Variants in ACLY observed in about 807,000 individuals in gnomAD.
ACLY encodes ATP citrate lyase, also known as ATP-citrate synthase.
Under a neutral mutation model 133.0 loss-of-function variants are expected in ACLY, and 41 were observed. The observed-to-expected ratio is 0.31, with a 90% confidence interval of 0.24 to 0.40. ACLY has a LOEUF of 0.40. Ranked by LOEUF, ACLY falls within the 10% of genes least tolerant of loss-of-function variation. ACLY has a pLI of 1.00. For missense variants in ACLY, 1,046 were observed against 1,453.8 expected (o/e 0.72, Z 4.56); for synonymous variants, 495 against 549.3 (o/e 0.90, Z 1.38).
At chr17:41,901,049 G>A (rs2049524232) in intron 11 of ACLY, among the ~76,000 whole-genome samples, 1 of 151,630 alleles carries the variant, frequency 6.6e-6, no homozygotes, top group African/African-American at 2.4e-5. Flanking sequence ...CAACCTCCCA[G>A]GTTCAGGTGA....
chr17:41,910,227 T>C lies in ACLY; in HGVS notation c.340A>G (p.Ser114Gly), dbSNP rs1486476460. 6.2e-7 allele frequency: 1 copy of C among 1,613,606 alleles called. No homozygotes were observed. Among genetic ancestry groups the C allele is most frequent in the Non-Finnish European group, 8.5e-7 (1 of 1,179,812 alleles). ...NFLIEPFVPH[S>G]QAEEFYVCIY... ...TGGAGCCGCCTCACACATACCTGAC[T>C]GTGGGGGACGAAGGGCTCGATCAGA... The change falls in exon 4 of 29, where the codon AGT (serine) becomes GGT (glycine). Residue 114 changes from serine to glycine, a missense_variant. Around this residue, in one of 4 missense-constraint regions of ACLY, gnomAD observed 227 missense variants for 245.6 expected, o/e 0.92. Coordinates refer to ENST00000352035, the MANE Select transcript of ACLY (RefSeq NM_001096.3).
At chr17:41,895,440 C>T (rs1339041597) in intron 14 of ACLY, among the ~76,000 whole-genome samples, 1 of 152,178 alleles carries the variant, frequency 6.6e-6, no homozygotes, top group African/African-American at 2.4e-5. Flanking sequence ...AGGGTGTATC[C>T]TCAGCCCACC....
chr17:41,916,430 G>A (rs1375339594), intron 1 of ACLY, among the ~76,000 whole-genome samples: 2 of 151,564 alleles, frequency 1.3e-5, no homozygotes, highest in Admixed American at 1.3e-4. Context: ...CTGGCGTGCA[G>A]TGGAGTGATC....
At chr17:41,926,393 T>C (rs1449557876) in intron 1 of ACLY, among the ~76,000 whole-genome samples, 1 of 152,252 alleles carries the variant, frequency 6.6e-6, no homozygotes, top group Admixed American at 6.5e-5. Flanking sequence ...AGGAAACCAC[T>C]GACTGGCTCT....
chr17:41,921,492 AAAACAAAAAAGAAAAAAAG>A (rs1440520627), upstream of ACLY, among the ~76,000 whole-genome samples: 2 of 150,216 alleles, frequency 1.3e-5, no homozygotes, highest in Non-Finnish European at 3.0e-5. Context: ...AAAAAAAAAA[AAAACAAAAAAGAAAAAAAG>A]GAAAAGAAAA....
At chr17:41,872,241 C>T in intron 23 of ACLY, 59 bp from the exon 24 acceptor site, 1 of 1,530,858 alleles carries the variant, frequency 6.5e-7, no homozygotes, top group South Asian at 1.1e-5. Context: ...CGTACTTTCC[C>T]CCATCTCCCT....
At chr17:41,894,533 G>A (rs1326677137) in intron 14 of ACLY, among the ~76,000 whole-genome samples, 4 of 151,090 alleles carry the variant, frequency 2.6e-5, no homozygotes, top group Admixed American at 6.6e-5. Context: ...ACCAGCCACC[G>A]CGGCATAGTG....
chr17:41,920,716 G>A (rs782008073), upstream of ACLY, among the ~76,000 whole-genome samples: 7 of 151,882 alleles, frequency 4.6e-5, no homozygotes, highest in Non-Finnish European at 7.4e-5. Context: ...AGTACAGCCT[G>A]GGTAACATGG....
At chr17:41,886,000 T>C in intron 18 of ACLY, 112 bp downstream of exon 18, 1 of 1,028,606 alleles carries the variant, frequency 9.7e-7, no homozygotes, top group Admixed American at 1.9e-5. Context: ...TTCAGCAGCA[T>C]TCCTGCGGGC....
intron 28 of ACLY, 35 bp from the exon 29 acceptor site, chr17:41,867,939 C>T: frequency 6.8e-7 from 1 of 1,467,720 alleles, no homozygotes. Flanking sequence ...TTTATTAGAG[C>T]TTCATAAGCC....
At chr17:41,906,392 G>T in intron 8 of ACLY, 136 bp downstream of exon 8, 1 of 716,998 alleles carries the variant, frequency 1.4e-6, no homozygotes, top group Non-Finnish European at 2.4e-6. Context: ...ATCCCTCGAA[G>T]CCCTCTGGGA....
chr17:41,887,768 C>G, intron 16 of ACLY, 65 bp from the exon 17 acceptor site: 2 of 1,319,358 alleles, frequency 1.5e-6, no homozygotes, highest in African/African-American at 2.9e-5. Flanking sequence ...AAGACAGCAC[C>G]GTTTAAGGGC....
intron 20 of ACLY, among the ~76,000 whole-genome samples, chr17:41,879,413 C>CT (rs1190398954): frequency 0.017 from 2,145 of 128,838 alleles, 29 homozygotes; most frequent in Non-Finnish European, 0.022. Flanking sequence ...CCCCCCCCGC[C>CT]TTTTTTTTTT....
intron 11 of ACLY, among the ~76,000 whole-genome samples, chr17:41,900,449 G>A (rs572374729): frequency 7.3e-4 from 111 of 151,990 alleles, no homozygotes; most frequent in African/African-American, 2.4e-3. Flanking sequence ...GCTGGTTGTA[G>A]TGGCTCACGT....
rs2050130239 is a variant in ACLY at position 41,918,950 on chromosome 17, G to T, written c.-94C>A. On this transcript the variant is annotated 5_prime_UTR_variant, in exon 1 of 29. The change creates a new upstream start codon in the 5' untranslated region. Transcript: ENST00000352035. The stretch of plus-strand genomic sequence containing the variant: ...ACCCCGCAAAATCCGGAGCACCCCA[G>T]CAGCCGGTAGCTTCCCGGGATCCGG... The T allele has an allele frequency of 7.8e-7, 1 of 1,289,026 alleles. No individual in the cohort carries two copies. The highest frequency in any genetic ancestry group is 1.5e-5 in the African/African-American group (1 of 65,778). 79.8% of individuals were successfully genotyped at this position (1,289,026 alleles called of 1,614,324 possible). A position where few individuals can be genotyped will look rare whatever the true frequency, so the allele number is the denominator to read the frequency against.
rs782263410 is a variant in ACLY at position 41,904,808 on chromosome 17, G to A, written c.1004-18C>T. ...GATCTTGCCTGGATTTGGAGTAAGA[G>A]AGAATCAAAAACAGTTACATAGGTA... On this transcript the variant is annotated intron_variant, in intron 9 of 28. Coordinates refer to ENST00000352035, the MANE Select transcript of ACLY (RefSeq NM_001096.3). 1.2e-6 allele frequency: 2 copies of A among 1,611,762 alleles called. No homozygotes were observed. The highest frequency in any genetic ancestry group is 1.7e-5 in the Admixed American group (1 of 60,000).
intron 22 of ACLY, among the ~76,000 whole-genome samples, chr17:41,875,581 G>A (rs2048720444): frequency 6.6e-6 from 1 of 152,154 alleles, no homozygotes; most frequent in African/African-American, 2.4e-5. Context: ...GCCTGCGATT[G>A]CAGGCGCGCG....
chr17:41,876,528 A>G (rs556535751), intron 22 of ACLY, among the ~76,000 whole-genome samples: 1 of 152,370 alleles, frequency 6.6e-6, no homozygotes, highest in African/African-American at 2.4e-5. Context: ...CTGTGTAGAA[A>G]GAAGTAGACA....
chr17:41,878,192 C>A lies in ACLY; in HGVS notation c.2398G>T (p.Val800Leu). The part of the protein sequence containing the change: ...FDELGEIIQS[V>L]YEDLVANGVI... ...CCATTGGCCACGAGATCTTCGTATA[C>A]AGACCTGGGAGGCAGGAAAAAAAAG... is the stretch of plus-strand genomic sequence containing the variant. Residue 800 changes from valine (V) to leucine (L), a missense_variant, in exon 22 of 29, where the codon GTA (valine) becomes TTA (leucine). Transcript: ENST00000352035. 6.3e-7 allele frequency: 1 copy of A among 1,582,640 alleles called. No homozygotes were observed.
Sources: allele counts gnomAD v4.1 joint callset (sites outside exome capture counted in the v4.1 genomes callset), GRCh38; gene constraint gnomAD v4.1.1; regional missense constraint gnomAD v4.1.1; transcripts MANE v1.5; gene names NCBI Gene and HGNC (gene_info 2026-07-23, HGNC 2026-07-21).